Variants in PUM1 observed in about 807,000 individuals in gnomAD.
PUM1 encodes the protein pumilio homolog 1.
In PUM1, 13 loss-of-function variants were observed where a neutral mutation model predicts 131.8. The observed-to-expected ratio is 0.10, with a 90% confidence interval of 0.06 to 0.16. The LOEUF is 0.16. Among genes scored for constraint, PUM1 ranks in the 10% least tolerant of loss-of-function variants. The probability of loss-of-function intolerance (pLI) is 1.00; values close to 1 mark genes in which losing one functional copy is unlikely to be tolerated. For synonymous variants in PUM1, 509 were observed against 556.5 expected, an observed-to-expected ratio of 0.91 and a Z score of 1.20; for missense variants, 961 against 1,512.4, an observed-to-expected ratio of 0.64 and a Z score of 6.05.
At chr1:31,042,982 T>C (rs915797627) in intron 2 of PUM1, among the ~76,000 whole-genome samples, 5 of 151,648 alleles carry the variant, frequency 3.3e-5, no homozygotes, top group Admixed American at 2.0e-4. Context: ...ACTTGCCTCA[T>C]GTGCTGGGAT....
chr1:31,041,411 C>T (rs1269170351), intron 2 of PUM1, among the ~76,000 whole-genome samples: 1 of 151,132 alleles, frequency 6.6e-6, no homozygotes, highest in African/African-American at 2.4e-5. Context: ...AAAAGCTATC[C>T]TCTGGGGGGC....
chr1:31,037,370 G>C (rs1289550317), intron 2 of PUM1: 3 of 152,210 alleles, frequency 2.0e-5, no homozygotes, highest in Non-Finnish European at 4.4e-5. Context: ...CAGGTGGACA[G>C]TGAAAAGGTT....
chr1:31,001,003 A>G (rs1642190170), intron 5 of PUM1, among the ~76,000 whole-genome samples: 1 of 151,950 alleles, frequency 6.6e-6, no homozygotes, highest in South Asian at 2.1e-4. Flanking sequence ...TGGCTAACAC[A>G]GTGAAACCCC....
chr1:30,933,486 C>CACACACACACA (rs1639061630), intron 21 of PUM1, 144 bp from the exon 22 acceptor site: 4 of 580,156 alleles, frequency 6.9e-6, no homozygotes, highest in African/African-American at 4.3e-5. Context: ...ACACACACAC[C>CACACACACACA]CCTACAGCAA....
At position 30,992,636 on chromosome 1, in the gene PUM1, G is replaced by T; in HGVS notation, c.912C>A (p.Asn304Lys). 6.2e-7 allele frequency: 1 copy of T among 1,613,788 alleles called. No individual in the cohort carries two copies. The highest frequency in any genetic ancestry group is 8.5e-7 in the Non-Finnish European group (1 of 1,179,748). Residue 304 changes from asparagine (N) to lysine (K), a missense_variant, in exon 7 of 22, where the codon AAC (asparagine) becomes AAA (lysine). This residue lies in a region of PUM1 where 654 missense variants were observed against 923.9 expected (regional missense o/e 0.71). Coordinates refer to ENST00000426105, the MANE Select transcript of PUM1 (RefSeq NM_001020658.2). ...CCAGAAGATCCACTTCATTAGCAGAGTTCTGGCAATTACCAGGGGTACGGC... is the reference window on the plus strand; with the variant it reads ...CCAGAAGATCCACTTCATTAGCAGATTTCTGGCAATTACCAGGGGTACGGC... ...DFSRTPGNCQ[N>K]SANEVDLLGP...
chr1:31,047,002 C>T (rs1643984450), intron 2 of PUM1, among the ~76,000 whole-genome samples: 1 of 152,016 alleles, frequency 6.6e-6, no homozygotes, highest in South Asian at 2.1e-4. Context: ...ATCAGCCTGG[C>T]CAACATAGTG....
chr1:31,038,958 T>TTATATATATATATATATATATATATATA (rs200492434), intron 2 of PUM1, among the ~76,000 whole-genome samples: 4 of 43,962 alleles, frequency 9.1e-5, no homozygotes, highest in Admixed American at 2.4e-4. Context: ...TTTTAAAATT[T>TTATATATATATATATATATATATATATA]TATATATATA....
intron 17 of PUM1, among the ~76,000 whole-genome samples, chr1:30,949,721 T>C (rs1045969186): frequency 6.6e-5 from 10 of 152,140 alleles, no homozygotes; most frequent in Admixed American, 1.3e-4. Context: ...TGGGCAGGCC[T>C]TTGTTCAATA....
intron 15 of PUM1, among the ~76,000 whole-genome samples, chr1:30,953,058 C>T (rs1324550044): frequency 6.6e-6 from 1 of 152,082 alleles, no homozygotes; most frequent in African/African-American, 2.4e-5. Flanking sequence ...AACAGTCTGC[C>T]TTTTTTTAGT....
intron 3 of PUM1, among the ~76,000 whole-genome samples, chr1:31,020,436 T>C (rs1001959998): frequency 6.6e-6 from 1 of 152,232 alleles, no homozygotes; most frequent in African/African-American, 2.4e-5. Context: ...CACATTCATT[T>C]TATAATAGGT....
intron 3 of PUM1, among the ~76,000 whole-genome samples, chr1:31,008,419 T>C (rs910533383): frequency 1.3e-5 from 2 of 152,148 alleles, no homozygotes; most frequent in Middle Eastern, 3.4e-3. Flanking sequence ...AACATTTGTC[T>C]GGTATTTAAT....
chr1:30,948,098 T>C (rs1639758474), intron 17 of PUM1, among the ~76,000 whole-genome samples: 1 of 152,064 alleles, frequency 6.6e-6, no homozygotes, highest in Non-Finnish European at 1.5e-5. Flanking sequence ...TCTACCCACC[T>C]TGGCCTCCCA....
intron 2 of PUM1, among the ~76,000 whole-genome samples, chr1:31,049,353 T>C (rs1190729153): frequency 6.6e-6 from 1 of 151,948 alleles, no homozygotes. Flanking sequence ...CTGTCTCTAC[T>C]AAAAACAGAA....
intron 2 of PUM1, chr1:31,055,492 C>A: frequency 2.4e-6 from 1 of 425,012 alleles, no homozygotes; most frequent in Non-Finnish European, 4.7e-6. Flanking sequence ...AGAAAAGTAA[C>A]CTGTGGGTGG....
chr1:30,974,812 G>C lies in PUM1; in HGVS notation c.1355-10C>G. 1 of 1,597,072 alleles carries C rather than the reference G, an allele frequency of 6.3e-7. No individual in the cohort carries two copies. ...GGGACCACAGCTGGGCCTAAAAATAGCAAAAGAAAGGTAAAGAAAGTCTGA... is the reference window on the plus strand; with the variant it reads ...GGGACCACAGCTGGGCCTAAAAATACCAAAAGAAAGGTAAAGAAAGTCTGA... On this transcript the variant is annotated splice_polypyrimidine_tract_variant and intron_variant, in intron 9 of 21. Coordinates refer to ENST00000426105, the MANE Select transcript of PUM1 (RefSeq NM_001020658.2).
chr1:31,060,888 TAAAA>T (rs879564618), intron 1 of PUM1, among the ~76,000 whole-genome samples: 5 of 136,158 alleles, frequency 3.7e-5, no homozygotes, highest in Non-Finnish European at 6.4e-5. Flanking sequence ...TCTGTTTCAG[TAAAA>T]AAAAAAAAAA....
At chr1:30,962,378 T>A (rs1570140938) in intron 14 of PUM1, among the ~76,000 whole-genome samples, 1 of 152,296 alleles carries the variant, frequency 6.6e-6, no homozygotes, top group East Asian at 1.9e-4. Flanking sequence ...TGGCTCCATT[T>A]CCACGCACCA....
chr1:30,995,191 G>A lies in PUM1; in HGVS notation c.750C>T (p.Asn250=), dbSNP rs544155327. ...FGPRDADSDE[N]DKGEKKNKGT... ...CCTTGTTCTTCTTTTCACCTTTGTC[G>A]TTTTCATCACTGTCTGCATCCCTTG... The change falls in exon 6 of 22, where the codon AAC becomes AAT. Residue 250 remains asparagine, a synonymous_variant. Transcript: ENST00000426105. 117 of 1,613,896 alleles carry A rather than the reference G, an allele frequency of 7.2e-5. No individual in the cohort carries two copies. Among genetic ancestry groups the A allele is most frequent in the Non-Finnish European group, 8.8e-5 (104 of 1,180,010 alleles).
chr1:30,979,365 T>A (rs921626048), intron 9 of PUM1, among the ~76,000 whole-genome samples: 1 of 152,106 alleles, frequency 6.6e-6, no homozygotes, highest in African/African-American at 2.4e-5. Context: ...GGCAGTCAAC[T>A]AGGAAGGGAA....
Sources: allele counts gnomAD v4.1 joint callset (sites outside exome capture counted in the v4.1 genomes callset), GRCh38; gene constraint gnomAD v4.1.1; regional missense constraint gnomAD v4.1.1; transcripts MANE v1.5; gene names NCBI Gene and HGNC (gene_info 2026-07-23, HGNC 2026-07-21).